Variants in WASF1 observed in about 807,000 individuals in gnomAD.
WASF1 encodes actin-binding protein WASF1.
In WASF1, 7 loss-of-function variants were observed where a neutral mutation model predicts 50.5. The observed-to-expected ratio is 0.14, with a 90% CI of 0.08 to 0.26. The LOEUF (loss-of-function observed/expected upper bound fraction) is 0.26, where lower values mean the gene tolerates loss of function less well. Among genes scored for constraint, WASF1 ranks in the 10% least tolerant of loss-of-function variants. The pLI, the probability that WASF1 is intolerant of heterozygous loss-of-function variation, is 1.00. For missense variants in WASF1, 470 were observed against 694.7 expected, an observed-to-expected ratio of 0.68 and a Z score of 3.64; for synonymous variants, 205 against 244.0, an observed-to-expected ratio of 0.84 and a Z score of 1.49.
At chr6:110,164,121 A>T (rs1776374559) in intron 2 of WASF1, among the ~76,000 whole-genome samples, 3 of 151,700 alleles carry the variant, frequency 2.0e-5, no homozygotes, top group Non-Finnish European at 4.4e-5. Flanking sequence ...GTACCATAGC[A>T]GAAAATCAAG....
rs568786165 is a variant in WASF1 at position 110,167,191 on chromosome 6, AAAAGT to A, written c.-126-6464_-126-6460del. On this transcript the variant is annotated intron_variant, in intron 2 of 10. Transcript: ENST00000392589. ...AACCCTACTGTGCCGCCAGTTACATAAAAGTATAGTTACATAATACTTGATAATAA... is the reference window on the plus strand; with the variant it reads ...AACCCTACTGTGCCGCCAGTTACATAATAGTTACATAATACTTGATAATAA... 2.5e-3 allele frequency among the ~76,000 whole-genome samples: 386 copies of A among 152,028 alleles called. 1 individual carries two copies. The highest frequency in any genetic ancestry group is 8.5e-3 in the African/African-American group (352 of 41,512).
chr6:110,168,042 T>C (rs1401168853), intron 2 of WASF1, among the ~76,000 whole-genome samples: 1 of 152,026 alleles, frequency 6.6e-6, no homozygotes, highest in African/African-American at 2.4e-5. Context: ...TAATATAGAC[T>C]TTTTCCAAAA....
chr6:110,169,931 G>T (rs532080920), intron 2 of WASF1, among the ~76,000 whole-genome samples: 1 of 151,136 alleles, frequency 6.6e-6, no homozygotes, highest in Non-Finnish European at 1.5e-5. Context: ...CATCAACCAC[G>T]ATAAATACCA....
At chr6:110,106,275 C>T (rs1364423182) in intron 7 of WASF1, among the ~76,000 whole-genome samples, 1 of 152,186 alleles carries the variant, frequency 6.6e-6, no homozygotes, top group Non-Finnish European at 1.5e-5. Flanking sequence ...AATTTAAAAA[C>T]CTCTGTGTTT....
intron 4 of WASF1, among the ~76,000 whole-genome samples, chr6:110,119,604 C>G (rs905543237): frequency 2.0e-5 from 3 of 152,138 alleles, no homozygotes; most frequent in African/African-American, 7.2e-5. Flanking sequence ...CAAAGTCTAC[C>G]AGAGGTAAAA....
At chr6:110,165,915 T>A (rs1405083601) in intron 2 of WASF1, among the ~76,000 whole-genome samples, 2 of 151,744 alleles carry the variant, frequency 1.3e-5, no homozygotes, top group Non-Finnish European at 2.9e-5. Flanking sequence ...TCCCTTTATG[T>A]TCCTGGCAAG....
intron 3 of WASF1, among the ~76,000 whole-genome samples, chr6:110,136,541 A>G (rs183993200): frequency 2.0e-5 from 3 of 152,300 alleles, no homozygotes; most frequent in East Asian, 1.9e-4. Context: ...TATGATTTAT[A>G]TATTTCAAGA....
intron 2 of WASF1, among the ~76,000 whole-genome samples, chr6:110,170,239 G>A (rs1776648748): frequency 6.6e-6 from 1 of 152,030 alleles, no homozygotes; most frequent in Non-Finnish European, 1.5e-5. Context: ...GGTGGAGGGG[G>A]TGAAACAGAG....
chr6:110,142,686 C>T (rs961835373), intron 3 of WASF1, among the ~76,000 whole-genome samples: 1 of 151,152 alleles, frequency 6.6e-6, no homozygotes, highest in African/African-American at 2.4e-5. Context: ...AATCATCAAG[C>T]AAATATAAAA....
intron 2 of WASF1, among the ~76,000 whole-genome samples, chr6:110,175,822 A>G (rs1407454175): frequency 6.6e-6 from 1 of 152,202 alleles, no homozygotes; most frequent in Non-Finnish European, 1.5e-5. Context: ...CAAGAGTTAC[A>G]GATCCTAGCA....
chr6:110,128,787 G>A (rs1377646053), intron 3 of WASF1, among the ~76,000 whole-genome samples: 1 of 152,200 alleles, frequency 6.6e-6, no homozygotes, highest in African/African-American at 2.4e-5. Context: ...AGCAGGAGGT[G>A]GGCGGTAGGT....
intron 5 of WASF1, among the ~76,000 whole-genome samples, chr6:110,113,091 A>G (rs1773640330): frequency 6.6e-6 from 1 of 152,138 alleles, no homozygotes; most frequent in African/African-American, 2.4e-5. Flanking sequence ...ATGCAAAAAA[A>G]TTAGGAGCTG....
chr6:110,154,404 T>C (rs1270043487), intron 3 of WASF1, among the ~76,000 whole-genome samples: 1 of 152,030 alleles, frequency 6.6e-6, no homozygotes, highest in Non-Finnish European at 1.5e-5. Context: ...AGAAAAGAAT[T>C]CTAAAGGTAA....
chr6:110,126,510 C>T (rs913077015), intron 4 of WASF1, among the ~76,000 whole-genome samples: 1 of 152,080 alleles, frequency 6.6e-6, no homozygotes, highest in African/African-American at 2.4e-5. Context: ...AGATTAACAA[C>T]CTCTTGTGCT....
intron 5 of WASF1, among the ~76,000 whole-genome samples, chr6:110,112,939 A>T (rs1032926832): frequency 1.3e-5 from 2 of 151,810 alleles, no homozygotes; most frequent in East Asian, 3.9e-4. Context: ...ATTCTTGTAG[A>T]ATCAAACCTA....
chr6:110,101,775 A>T lies in WASF1; in HGVS notation c.1335T>A (p.Val445=). The part of the protein sequence containing the change: ...PGIRPSSPVT[V]TALAHPPSGL... ...CAGAGGGAGGATGAGCAAGAGCTGTAACTGTGACAGGTGATGATGGTCGAA... is the reference window on the plus strand; with the variant it reads ...CAGAGGGAGGATGAGCAAGAGCTGTTACTGTGACAGGTGATGATGGTCGAA... The change falls in exon 10 of 11, where the codon GTT becomes GTA. Residue 445 remains valine, a synonymous_variant. Transcript: ENST00000392589. 1 of 1,614,118 alleles carries T rather than the reference A, an allele frequency of 6.2e-7. No individual in the cohort carries two copies. Among genetic ancestry groups the T allele is most frequent in the Non-Finnish European group, 8.5e-7 (1 of 1,180,004 alleles).
At chr6:110,104,412 G>A (rs1773227604) in intron 8 of WASF1, among the ~76,000 whole-genome samples, 1 of 151,970 alleles carries the variant, frequency 6.6e-6, no homozygotes, top group Non-Finnish European at 1.5e-5. Flanking sequence ...TCCTAAAATA[G>A]GTCAAGATGT....
rs556821445 is a variant in WASF1 at position 110,154,839 on chromosome 6, A to C, written c.-29+5796T>G. Among the ~76,000 whole-genome samples, 19 of 152,258 alleles carry C rather than the reference A, an allele frequency of 1.2e-4. No homozygotes were observed. In the East Asian group the frequency reaches 3.5e-3, roughly 28 times the overall value. On this transcript the variant is annotated intron_variant, in intron 3 of 10. Coordinates refer to ENST00000392589, the MANE Select transcript of WASF1 (RefSeq NM_003931.3). ...TAAAAAAAATCAGGGAATTTGGATA[A>C]AAATTGAAATGCAAAGACTAAAAGG...
At chr6:110,132,038 A>G (rs1021551373) in intron 3 of WASF1, among the ~76,000 whole-genome samples, 7 of 152,100 alleles carry the variant, frequency 4.6e-5, no homozygotes, top group African/African-American at 7.2e-5. Flanking sequence ...AACATAATAC[A>G]TTGCTCCAAC....
Sources: gnomAD v4.1 joint callset for allele counts (sites outside exome capture counted in the v4.1 genomes callset) on GRCh38, gnomAD v4.1.1 for gene constraint, MANE v1.5 for transcripts, NCBI Gene and HGNC (gene_info 2026-07-23, HGNC 2026-07-21) for gene names.